Variants in PRKCB observed in about 807,000 individuals in gnomAD.
The protein encoded by PRKCB is protein kinase C beta.
PRKCB carries 13 observed loss-of-function variants against 81.5 expected under a neutral mutation model. That is an observed-to-expected ratio of 0.16 (90% confidence interval 0.10 to 0.25). The LOEUF (loss-of-function observed/expected upper bound fraction) is 0.25. PRKCB is among the 10% of genes least tolerant of loss of function. The probability of loss-of-function intolerance (pLI) is 1.00; values close to 1 mark genes in which losing one functional copy is unlikely to be tolerated. For synonymous variants in PRKCB, 335 were observed against 321.4 expected (o/e 1.04, Z -0.45); for missense variants, 509 against 875.7 (o/e 0.58, Z 5.29).
intron 3 of PRKCB, among the ~76,000 whole-genome samples, chr16:24,007,840 G>C (rs950700088): frequency 6.6e-6 from 1 of 152,164 alleles, no homozygotes; most frequent in Non-Finnish European, 1.5e-5. Flanking sequence ...CTTGGAGATA[G>C]GCAGCCAGAA....
intron 2 of PRKCB, among the ~76,000 whole-genome samples, chr16:23,950,475 A>G (rs1322193020): frequency 6.6e-6 from 1 of 152,194 alleles, no homozygotes; most frequent in Non-Finnish European, 1.5e-5. Context: ...GGGGTTCTGG[A>G]GTCAGACAGA....
chr16:23,896,374 ATACTG>A (rs1337416853), intron 2 of PRKCB, among the ~76,000 whole-genome samples: 1 of 152,188 alleles, frequency 6.6e-6, no homozygotes, highest in Non-Finnish European at 1.5e-5. Context: ...TATTGAAAAC[ATACTG>A]TATGCAGACA....
intron 9 of PRKCB, among the ~76,000 whole-genome samples, chr16:24,127,651 G>A (rs1369867789): frequency 1.3e-5 from 2 of 151,844 alleles, no homozygotes; most frequent in Admixed American, 1.3e-4. Flanking sequence ...GGGTGGAGTC[G>A]TAGGAGAATG....
intron 2 of PRKCB, among the ~76,000 whole-genome samples, chr16:23,941,545 A>C (rs533137035): frequency 3.0e-4 from 45 of 152,346 alleles, no homozygotes; most frequent in African/African-American, 9.9e-4. Context: ...AGGATATTAA[A>C]AGAACAATGC....
intron 9 of PRKCB, among the ~76,000 whole-genome samples, chr16:24,133,669 C>A (rs1227105913): frequency 6.6e-6 from 1 of 152,196 alleles, no homozygotes; most frequent in African/African-American, 2.4e-5. Flanking sequence ...TGACAAGGAC[C>A]ATGCCATGGA....
intron 2 of PRKCB, among the ~76,000 whole-genome samples, chr16:23,855,983 C>T (rs1009615730): frequency 3.3e-5 from 5 of 152,116 alleles, no homozygotes; most frequent in African/African-American, 9.7e-5. Context: ...TGGGGGAATG[C>T]CTTCTGGGGT....
At chr16:23,954,652 A>T (rs1453105852) in intron 2 of PRKCB, among the ~76,000 whole-genome samples, 1 of 152,232 alleles carries the variant, frequency 6.6e-6, no homozygotes, top group African/African-American at 2.4e-5. Context: ...GCTTAGCTGC[A>T]CTGCCTATTA....
At chr16:24,126,209 A>G (rs1427226912) in intron 9 of PRKCB, among the ~76,000 whole-genome samples, 1 of 151,592 alleles carries the variant, frequency 6.6e-6, no homozygotes, top group Non-Finnish European at 1.5e-5. Flanking sequence ...CCTGGGTGGG[A>G]AAAAGGGAGT....
chr16:23,981,355 G>T (rs1964699764), intron 2 of PRKCB, among the ~76,000 whole-genome samples: 1 of 151,764 alleles, frequency 6.6e-6, no homozygotes, highest in Non-Finnish European at 1.5e-5. Context: ...GGACCCCTGT[G>T]ATCACACTGG....
chr16:24,142,946 A>T (rs973193204), intron 9 of PRKCB, among the ~76,000 whole-genome samples: 1 of 151,990 alleles, frequency 6.6e-6, no homozygotes, highest in Non-Finnish European at 1.5e-5. Flanking sequence ...TGGGATACAG[A>T]GCTAGGGGTC....
intron 5 of PRKCB, among the ~76,000 whole-genome samples, chr16:24,037,491 AC>A (rs1965638014): frequency 6.6e-6 from 1 of 152,296 alleles, no homozygotes; most frequent in East Asian, 1.9e-4. Flanking sequence ...TTATCATTCT[AC>A]CCATCAGAAA....
intron 5 of PRKCB, among the ~76,000 whole-genome samples, chr16:24,059,774 G>A (rs1340978050): frequency 1.3e-5 from 2 of 152,208 alleles, no homozygotes; most frequent in Non-Finnish European, 1.5e-5. Context: ...ATTCAAGAAA[G>A]TGGATATGGC....
Position 23,836,212 on chromosome 16 carries a change from G to C in PRKCB, c.37G>C (p.Gly13Arg). 6.3e-7 allele frequency: 1 copy of C among 1,581,652 alleles called. No individual in the cohort carries two copies. The highest frequency in any genetic ancestry group is 8.6e-7 in the Non-Finnish European group (1 of 1,165,704). The change falls in exon 1 of 17, where the codon GGC becomes CGC. Residue 13 changes from glycine to arginine, a missense_variant. This residue lies in a region of PRKCB where 33 missense variants were observed against 21.9 expected (regional missense o/e 1.50). Transcript: ENST00000643927. ...GGCTGCGGGGCCGCCGCCGAGCGAG[G>C]GCGAGGAGAGCACCGTGCGCTTCGC... ...DPAAGPPPSE[G>R]EESTVRFARK...
At chr16:24,149,239 G>A (rs1967039701) in intron 9 of PRKCB, among the ~76,000 whole-genome samples, 1 of 152,188 alleles carries the variant, frequency 6.6e-6, no homozygotes, top group Non-Finnish European at 1.5e-5. Context: ...CAGCCGCAGT[G>A]CCTGCCCAGG....
chr16:23,919,793 C>T (rs1009264682), intron 2 of PRKCB, among the ~76,000 whole-genome samples: 2 of 152,160 alleles, frequency 1.3e-5, no homozygotes, highest in Non-Finnish European at 2.9e-5. Flanking sequence ...CTTTGTGTAA[C>T]GTTATCAAGG....
At chr16:23,896,068 A>G (rs944444214) in intron 2 of PRKCB, among the ~76,000 whole-genome samples, 4 of 85,766 alleles carry the variant, frequency 4.7e-5, no homozygotes, top group South Asian at 5.5e-4. Context: ...GGATAATTCA[A>G]TCCATTCACA....
rs59543980 is a variant in PRKCB at position 24,215,986 on chromosome 16, T to TAAAA, written c.*1182_*1185dup. The stretch of plus-strand genomic sequence containing the variant: ...TTTTTCTTCTAGCATCGAGATACAA[T>TAAAA]AAAAAAAAAAAAAAAGAAAAGAAGA... On this transcript the variant is annotated 3_prime_UTR_variant, in exon 17 of 17. Transcript: ENST00000643927. 1 of 908,424 alleles carries TAAAA rather than the reference T, an allele frequency of 1.1e-6. No individual in the cohort carries two copies. The highest frequency in any genetic ancestry group is 1.3e-6 in the Non-Finnish European group (1 of 776,540). The allele number at this position is 908,424 out of a possible 1,614,324, so 56.3% of individuals were successfully genotyped here. A position where few individuals can be genotyped will look rare whatever the true frequency, so the allele number is the denominator to read the frequency against.
chr16:23,844,799 G>T (rs144330343), intron 2 of PRKCB, among the ~76,000 whole-genome samples: 1 of 149,460 alleles, frequency 6.7e-6, no homozygotes, highest in African/African-American at 2.5e-5. Flanking sequence ...GAGCCACCGC[G>T]CCCAGTCTCT....
chr16:24,194,919 A>G (rs184133027), intron 16 of PRKCB, among the ~76,000 whole-genome samples: 31 of 152,296 alleles, frequency 2.0e-4, no homozygotes, highest in Non-Finnish European at 4.0e-4. Context: ...TAAATGATAC[A>G]TTATCCAGGT....
Sources: allele counts gnomAD v4.1 joint callset (sites outside exome capture counted in the v4.1 genomes callset), GRCh38; gene constraint gnomAD v4.1.1; regional missense constraint gnomAD v4.1.1; transcripts MANE v1.5; gene names NCBI Gene and HGNC (gene_info 2026-07-23, HGNC 2026-07-21).